SNCAIP: variants seen among roughly 807,000 people sequenced by gnomAD.
SNCAIP encodes synphilin-1.
A neutral mutation model predicts 86.7 loss-of-function variants in SNCAIP; 43 were observed. The ratio of observed to expected loss-of-function variants is 0.50; its 90% CI spans 0.39 to 0.64. The LOEUF is 0.64. Among genes scored for constraint, SNCAIP ranks in the 30% least tolerant of loss-of-function variants. The pLI is 0.00. For missense variants in SNCAIP, 981 were observed against 1,103.1 expected, an observed-to-expected ratio of 0.89 and a Z score of 1.57; for synonymous variants, 417 against 427.2, an observed-to-expected ratio of 0.98 and a Z score of 0.29.
intron 5 of SNCAIP, among the ~76,000 whole-genome samples, chr5:122,429,145 C>T (rs1777912205): frequency 6.6e-6 from 1 of 151,354 alleles, no homozygotes; most frequent in African/African-American, 2.4e-5. Context: ...AACATACCAA[C>T]ACTTACAAGA....
chr5:122,312,853 C>T (rs1042633931), intron 1 of SNCAIP: 1 of 152,272 alleles, frequency 6.6e-6, no homozygotes, highest in Non-Finnish European at 1.5e-5. Flanking sequence ...GGCTGGTCCG[C>T]GTGGATTTCA....
chr5:122,447,236 C>G (rs1782523262), intron 8 of SNCAIP, among the ~76,000 whole-genome samples: 1 of 152,170 alleles, frequency 6.6e-6, no homozygotes. Context: ...AGGGAGCCAG[C>G]CTGGCCAGCA....
intron 1 of SNCAIP, among the ~76,000 whole-genome samples, chr5:122,340,840 A>G (rs1357232124): frequency 2.0e-5 from 3 of 152,234 alleles, no homozygotes; most frequent in Admixed American, 2.0e-4. Flanking sequence ...GTATCTAGAT[A>G]AATTTATTAG....
chr5:122,434,974 C>T (rs1003261067), intron 6 of SNCAIP, among the ~76,000 whole-genome samples: 7 of 152,186 alleles, frequency 4.6e-5, no homozygotes, highest in Non-Finnish European at 1.0e-4. Flanking sequence ...CTCTGCCCTT[C>T]ATATAGATTC....
intron 1 of SNCAIP, among the ~76,000 whole-genome samples, chr5:122,377,530 AAGAG>A (rs796094176): frequency 8.0e-5 from 12 of 149,966 alleles, no homozygotes; most frequent in African/African-American, 1.2e-4. Context: ...GAAAGAAAGA[AAGAG>A]AGATCAGATA....
chr5:122,441,230 T>C (rs1183806612), intron 7 of SNCAIP: 1 of 172,416 alleles, frequency 5.8e-6, no homozygotes, highest in Non-Finnish European at 1.3e-5. Flanking sequence ...AATGCTGTAG[T>C]TCCCCCTTTC....
Position 122,383,232 on chromosome 5 carries a change from A to G in SNCAIP, c.-46-7857A>G, listed in dbSNP as rs576204492. 2.0e-3 allele frequency among the ~76,000 whole-genome samples: 305 copies of G among 152,364 alleles called. 1 individual carries two copies. Among genetic ancestry groups the G allele is most frequent in the African/African-American group, 6.8e-3 (284 of 41,590 alleles). On this transcript the variant is annotated intron_variant, in intron 1 of 10. Transcript: ENST00000261368. Reference sequence around the variant, plus strand: ...GGACCCTCCGAGCCAGGTGCGGGATATAATCTCGTGATGCGCCGTTTTTTA... The same window carrying G: ...GGACCCTCCGAGCCAGGTGCGGGATGTAATCTCGTGATGCGCCGTTTTTTA...
At chr5:122,365,849 G>A (rs192166219) in intron 1 of SNCAIP, among the ~76,000 whole-genome samples, 2 of 152,186 alleles carry the variant, frequency 1.3e-5, no homozygotes, top group Non-Finnish European at 2.9e-5. Context: ...CAGATGCATG[G>A]ACAGATAATA....
At chr5:122,348,673 C>G (rs1489946563) in intron 1 of SNCAIP, among the ~76,000 whole-genome samples, 1 of 151,954 alleles carries the variant, frequency 6.6e-6, no homozygotes, top group East Asian at 1.9e-4. Context: ...CACATATAAA[C>G]CCATTGACAA....
chr5:122,448,105 C>T (rs1782720351), intron 8 of SNCAIP, among the ~76,000 whole-genome samples: 1 of 152,128 alleles, frequency 6.6e-6, no homozygotes, highest in African/African-American at 2.4e-5. Context: ...ATTTAGCCAG[C>T]TAATCGTTGC....
At chr5:122,410,555 G>T (rs1166159486) in intron 3 of SNCAIP, among the ~76,000 whole-genome samples, 1 of 152,202 alleles carries the variant, frequency 6.6e-6, no homozygotes, top group Non-Finnish European at 1.5e-5. Context: ...GGGTATGGTG[G>T]ATCACACCTG....
intron 1 of SNCAIP, among the ~76,000 whole-genome samples, chr5:122,368,945 A>G (rs1347558374): frequency 6.6e-6 from 1 of 152,164 alleles, no homozygotes; most frequent in Non-Finnish European, 1.5e-5. Context: ...ATTTTGTCCT[A>G]TATAAAAATG....
intron 1 of SNCAIP, among the ~76,000 whole-genome samples, chr5:122,363,206 G>T (rs759277083): frequency 8.5e-5 from 13 of 152,130 alleles, no homozygotes; most frequent in Non-Finnish European, 1.8e-4. Context: ...ATGTTGGTCA[G>T]GCTGGTCTCC....
At chr5:122,340,224 A>G (rs1017173165) in intron 1 of SNCAIP, among the ~76,000 whole-genome samples, 1 of 152,178 alleles carries the variant, frequency 6.6e-6, no homozygotes, top group African/African-American at 2.4e-5. Flanking sequence ...TCACTGGAGA[A>G]CATGGGAATT....
At chr5:122,421,035 A>G (rs1050085240) in intron 3 of SNCAIP, among the ~76,000 whole-genome samples, 2 of 152,202 alleles carry the variant, frequency 1.3e-5, no homozygotes, top group African/African-American at 2.4e-5. Context: ...ACATACTAGC[A>G]TTTGTTAATT....
At chr5:122,361,176 G>GA (rs749754936) in intron 1 of SNCAIP, among the ~76,000 whole-genome samples, 3,627 of 87,460 alleles carry the variant, frequency 0.041, 134 homozygotes, top group African/African-American at 0.12. Flanking sequence ...AGTCATTTTT[G>GA]AAAAAAAAAA....
chr5:122,372,291 A>G (rs1038820743), intron 1 of SNCAIP, among the ~76,000 whole-genome samples: 1 of 152,182 alleles, frequency 6.6e-6, no homozygotes, highest in African/African-American at 2.4e-5. Flanking sequence ...ATGATTTGCA[A>G]CATTTGCCAG....
chr5:122,360,380 A>G (rs572786695), intron 1 of SNCAIP, among the ~76,000 whole-genome samples: 1 of 152,266 alleles, frequency 6.6e-6, no homozygotes, highest in African/African-American at 2.4e-5. Context: ...ACTACATTTC[A>G]GTTTCTTTCT....
chr5:122,334,232 C>T (rs1755958679), intron 1 of SNCAIP, among the ~76,000 whole-genome samples: 1 of 151,694 alleles, frequency 6.6e-6, no homozygotes, highest in African/African-American at 2.4e-5. Flanking sequence ...AACAATGACC[C>T]TGTGAGGTCA....
Sources: allele counts gnomAD v4.1 joint callset (sites outside exome capture counted in the v4.1 genomes callset), GRCh38; gene constraint gnomAD v4.1.1; transcripts MANE v1.5; gene names NCBI Gene and HGNC (gene_info 2026-07-23, HGNC 2026-07-21).